NALF1: variants seen among roughly 807,000 people sequenced by gnomAD.
NALF1 encodes the protein NALCN channel auxiliary factor 1.
NALF1 carries 3 observed loss-of-function variants against 48.4 expected under a neutral mutation model. That is an observed-to-expected ratio of 0.06 (90% CI 0.03 to 0.16). The LOEUF (loss-of-function observed/expected upper bound fraction) is 0.16. NALF1 is among the 10% of genes least tolerant of loss of function. The pLI, the probability that NALF1 is intolerant of heterozygous loss-of-function variation, is 1.00. For missense variants in NALF1, 526 were observed against 571.5 expected, an observed-to-expected ratio of 0.92 and a Z score of 0.81; for synonymous variants, 262 against 245.7, an observed-to-expected ratio of 1.07 and a Z score of -0.62.
intron 1 of NALF1, among the ~76,000 whole-genome samples, chr13:107,437,504 A>G (rs531124528): frequency 3.0e-4 from 46 of 152,338 alleles, no homozygotes; most frequent in African/African-American, 1.0e-3. Flanking sequence ...GTGTGCCTCA[A>G]CAGCACACTG....
At chr13:107,263,882 T>G (rs1880986372) in intron 1 of NALF1, among the ~76,000 whole-genome samples, 1 of 152,180 alleles carries the variant, frequency 6.6e-6, no homozygotes, top group African/African-American at 2.4e-5. Flanking sequence ...ACATGTTGGA[T>G]AAACTCAAAT....
intron 1 of NALF1, among the ~76,000 whole-genome samples, chr13:107,807,248 T>C (rs1878823224): frequency 6.6e-6 from 1 of 152,152 alleles, no homozygotes; most frequent in African/African-American, 2.4e-5. Context: ...ATCTAAGATA[T>C]AATATGCACA....
At chr13:107,358,866 G>T (rs182230577) in intron 1 of NALF1, among the ~76,000 whole-genome samples, 19 of 152,198 alleles carry the variant, frequency 1.2e-4, no homozygotes, top group African/African-American at 4.1e-4. Context: ...TGCAGGAATG[G>T]TTCCTATTGG....
intron 1 of NALF1, among the ~76,000 whole-genome samples, chr13:107,361,166 T>A (rs542030656): frequency 1.3e-5 from 2 of 152,298 alleles, no homozygotes; most frequent in East Asian, 3.9e-4. Context: ...TTACCATAAA[T>A]ATGTGCTTAG....
At chr13:107,271,774 CTATATATATATATATATATATA>C (rs397838456) in intron 1 of NALF1, among the ~76,000 whole-genome samples, 1 of 27,630 alleles carries the variant, frequency 3.6e-5, no homozygotes, top group African/African-American at 9.7e-5. Flanking sequence ...TGCTACTGGA[CTATATATATATATATATATATA>C]TATATATATA....
intron 1 of NALF1, among the ~76,000 whole-genome samples, chr13:107,713,657 GTC>G (rs140135461): frequency 2.0e-4 from 30 of 152,292 alleles, no homozygotes; most frequent in African/African-American, 7.0e-4. Flanking sequence ...TGGCAACTCA[GTC>G]TCTGTTTTAC....
intron 1 of NALF1, among the ~76,000 whole-genome samples, chr13:107,384,526 T>C (rs1430066141): frequency 6.6e-6 from 1 of 152,146 alleles, no homozygotes; most frequent in Non-Finnish European, 1.5e-5. Context: ...CTTTTATACA[T>C]ATAATTTATA....
chr13:107,778,958 T>C (rs1877814466), intron 1 of NALF1, among the ~76,000 whole-genome samples: 1 of 152,218 alleles, frequency 6.6e-6, no homozygotes, highest in African/African-American at 2.4e-5. Flanking sequence ...AAAAAAGTAT[T>C]ACTATTTAAC....
At chr13:107,482,366 T>C (rs1885267148) in intron 1 of NALF1, among the ~76,000 whole-genome samples, 1 of 152,132 alleles carries the variant, frequency 6.6e-6, no homozygotes, top group Non-Finnish European at 1.5e-5. Flanking sequence ...ACACGTCCTA[T>C]TGGTTATGTG....
chr13:107,794,774 G>C (rs1341061182), intron 1 of NALF1, among the ~76,000 whole-genome samples: 1 of 151,952 alleles, frequency 6.6e-6, no homozygotes, highest in Non-Finnish European at 1.5e-5. Flanking sequence ...AGGAAGCACT[G>C]AATAATTATT....
chr13:107,338,272 T>A (rs1315781540), intron 1 of NALF1, among the ~76,000 whole-genome samples: 1 of 152,226 alleles, frequency 6.6e-6, no homozygotes, highest in Non-Finnish European at 1.5e-5. Flanking sequence ...AACCCCTTTA[T>A]GTAAGAGGCT....
chr13:107,593,053 C>T (rs1452698254), intron 1 of NALF1, among the ~76,000 whole-genome samples: 1 of 151,908 alleles, frequency 6.6e-6, no homozygotes, highest in East Asian at 1.9e-4. Context: ...TATATTTACT[C>T]TAACTGCATT....
At chr13:107,570,560 T>A (rs1360775361) in intron 1 of NALF1, among the ~76,000 whole-genome samples, 5 of 115,842 alleles carry the variant, frequency 4.3e-5, no homozygotes, top group Admixed American at 1.0e-4. Context: ...TATTTTTTTC[T>A]TTTATTTATT....
intron 1 of NALF1, among the ~76,000 whole-genome samples, chr13:107,814,623 A>G (rs769465448): frequency 6.6e-6 from 1 of 152,216 alleles, no homozygotes; most frequent in African/African-American, 2.4e-5. Context: ...GGGTCATCTC[A>G]TCAGGAGGCT....
intron 1 of NALF1, among the ~76,000 whole-genome samples, chr13:107,310,222 C>T (rs1882017859): frequency 6.6e-6 from 1 of 151,964 alleles, no homozygotes; most frequent in Non-Finnish European, 1.5e-5. Flanking sequence ...CCAGCCTCGC[C>T]AACATGGTGA....
intron 1 of NALF1, among the ~76,000 whole-genome samples, chr13:107,365,876 A>T (rs1234699437): frequency 6.6e-6 from 1 of 152,226 alleles, no homozygotes; most frequent in Non-Finnish European, 1.5e-5. Context: ...TAGTTCCCAC[A>T]GACTGCTTGC....
intron 1 of NALF1, among the ~76,000 whole-genome samples, chr13:107,371,010 A>T (rs1218217937): frequency 2.6e-5 from 4 of 152,206 alleles, no homozygotes; most frequent in Non-Finnish European, 5.9e-5. Context: ...GATTATGGGA[A>T]CTACAATTCA....
chr13:107,523,780 A>G (rs1479505105), intron 1 of NALF1, among the ~76,000 whole-genome samples: 1 of 152,158 alleles, frequency 6.6e-6, no homozygotes, highest in African/African-American at 2.4e-5. Context: ...TTTGAATTTT[A>G]TCCCTAAAAT....
At chr13:107,224,763 C>A (rs1880067724) in intron 1 of NALF1, among the ~76,000 whole-genome samples, 1 of 152,016 alleles carries the variant, frequency 6.6e-6, no homozygotes, top group South Asian at 2.1e-4. Context: ...ATACAAATTG[C>A]ACTTTTTAAT....
Sources: gnomAD v4.1 joint callset for allele counts (sites outside exome capture counted in the v4.1 genomes callset) on GRCh38, gnomAD v4.1.1 for gene constraint, MANE v1.5 for transcripts, NCBI Gene and HGNC (gene_info 2026-07-23, HGNC 2026-07-21) for gene names.